ARMC2: variants seen among roughly 807,000 people sequenced by gnomAD.
ARMC2 encodes the protein armadillo repeat-containing protein 2.
A neutral mutation model predicts 90.3 loss-of-function variants in ARMC2; 67 were observed. That is an observed-to-expected ratio of 0.74 (90% confidence interval 0.61 to 0.91). The LOEUF (loss-of-function observed/expected upper bound fraction) is 0.91, where lower values mean the gene tolerates loss of function less well. Ranked by LOEUF, ARMC2 falls within the 40% of genes least tolerant of loss-of-function variation. ARMC2 has a pLI of 0.00. For missense variants in ARMC2, 920 were observed against 1,030.9 expected, an observed-to-expected ratio of 0.89 and a Z score of 1.47; for synonymous variants, 393 against 393.0, an observed-to-expected ratio of 1.00 and a Z score of 0.00.
intron 9 of ARMC2, among the ~76,000 whole-genome samples, chr6:108,911,341 T>A (rs1430224781): frequency 6.6e-6 from 1 of 152,188 alleles, no homozygotes; most frequent in Non-Finnish European, 1.5e-5. Context: ...AGTCTTTTAA[T>A]ATACTAGGGA....
intron 7 of ARMC2, among the ~76,000 whole-genome samples, chr6:108,902,525 G>A (rs796153935): frequency 6.6e-6 from 1 of 152,186 alleles, no homozygotes; most frequent in South Asian, 2.1e-4. Context: ...TACAATAGGA[G>A]TTCAGGTTTT....
chr6:109,017,328 C>T, the ARMC2 span, among the ~76,000 whole-genome samples: 1 of 152,120 alleles, frequency 6.6e-6, no homozygotes, highest in African/African-American at 2.4e-5. Context: ...CTCTGTCGCC[C>T]AGGCTGGAGC....
chr6:109,028,129 A>T, the ARMC2 span, among the ~76,000 whole-genome samples: 1 of 150,832 alleles, frequency 6.6e-6, no homozygotes, highest in Non-Finnish European at 1.5e-5. Context: ...ACCTTTGCCT[A>T]CCCCCAGGTT....
At chr6:108,982,557 A>G in the ARMC2 span, among the ~76,000 whole-genome samples, 3 of 152,196 alleles carry the variant, frequency 2.0e-5, no homozygotes, top group African/African-American at 7.2e-5. Flanking sequence ...CATCGTGTTT[A>G]AGTGGTGATT....
intron 3 of ARMC2, among the ~76,000 whole-genome samples, chr6:108,858,939 C>T (rs1363040041): frequency 6.6e-6 from 1 of 152,048 alleles, no homozygotes; most frequent in African/African-American, 2.4e-5. Flanking sequence ...GTCTTTTTGC[C>T]TCTTATCACA....
At chr6:108,860,022 A>T (rs954629974) in intron 3 of ARMC2, among the ~76,000 whole-genome samples, 2 of 147,288 alleles carry the variant, frequency 1.4e-5, no homozygotes, top group South Asian at 2.2e-4. Context: ...AAAAAAAAAA[A>T]GATGTAGGAC....
chr6:108,991,021 TTG>T, the ARMC2 span, among the ~76,000 whole-genome samples: 1 of 151,816 alleles, frequency 6.6e-6, no homozygotes, highest in African/African-American at 2.4e-5. Context: ...ATGCAAAAGG[TTG>T]TGTTTTATAA....
intron 13 of ARMC2, 145 bp from the exon 14 acceptor site, chr6:108,961,427 A>G (rs1777989521): frequency 1.3e-6 from 1 of 758,388 alleles, no homozygotes; most frequent in South Asian, 2.6e-5. Context: ...GGGGAAATCA[A>G]GTGGTAAAGG....
At chr6:108,893,517 G>T (rs1016432738) in intron 5 of ARMC2, among the ~76,000 whole-genome samples, 1 of 152,150 alleles carries the variant, frequency 6.6e-6, no homozygotes, top group Non-Finnish European at 1.5e-5. Context: ...GCTCCCAAAG[G>T]CTAAGCTTTT....
At chr6:108,976,848 A>C (rs536054579), downstream of ARMC2, among the ~76,000 whole-genome samples, 1 of 152,258 alleles carries the variant, frequency 6.6e-6, no homozygotes, top group African/African-American at 2.4e-5. Context: ...TTGCACATTG[A>C]TTTTGTATCT....
At chr6:109,016,308 C>T in the ARMC2 span, among the ~76,000 whole-genome samples, 2 of 152,200 alleles carry the variant, frequency 1.3e-5, no homozygotes, top group African/African-American at 4.8e-5. Context: ...CCTCCCCACC[C>T]TATGATTATT....
intron 10 of ARMC2, among the ~76,000 whole-genome samples, chr6:108,926,792 GT>G (rs1775140801): frequency 6.6e-6 from 1 of 152,036 alleles, no homozygotes; most frequent in Non-Finnish European, 1.5e-5. Flanking sequence ...GATCTATGGA[GT>G]TAAGTGGAAT....
Position 108,953,060 on chromosome 6 carries a change from C to A in ARMC2, c.1624C>A (p.Leu542Ile). 6.2e-7 allele frequency: 1 copy of A among 1,612,138 alleles called. No homozygotes were observed. The highest frequency in any genetic ancestry group is 8.5e-7 in the Non-Finnish European group (1 of 1,179,046). ...TTTAGTCGTCCGTGTTGTTTTTATTCTTGGCAACCTGACGGCAAAAAATAA... is the reference window on the plus strand; with the variant it reads ...TTTAGTCGTCCGTGTTGTTTTTATTATTGGCAACCTGACGGCAAAAAATAA... ...QDLVVRVVFI[L>I]GNLTAKNNQA... Residue 542 changes from leucine (L) to isoleucine (I), a missense_variant, in exon 13 of 18, where the codon CTT becomes ATT. Coordinates refer to ENST00000392644, the MANE Select transcript of ARMC2 (RefSeq NM_032131.6).
intron 3 of ARMC2, among the ~76,000 whole-genome samples, chr6:108,864,322 C>T (rs1266357008): frequency 6.8e-6 from 1 of 147,612 alleles, no homozygotes; most frequent in Non-Finnish European, 1.5e-5. Flanking sequence ...GATCTCAGCT[C>T]ACTGCAACCA....
the ARMC2 span, among the ~76,000 whole-genome samples, chr6:109,011,248 T>C: frequency 6.6e-6 from 1 of 152,258 alleles, no homozygotes; most frequent in Non-Finnish European, 1.5e-5. Flanking sequence ...TATAGTAGGC[T>C]GATACTTAGT....
chr6:109,026,756 G>C, the ARMC2 span, among the ~76,000 whole-genome samples: 17 of 152,126 alleles, frequency 1.1e-4, no homozygotes, highest in African/African-American at 4.1e-4. Flanking sequence ...GCCCGCCTCA[G>C]CCTCCCAAAG....
At chr6:108,855,371 C>G (rs574728189) in intron 2 of ARMC2, among the ~76,000 whole-genome samples, 1 of 151,930 alleles carries the variant, frequency 6.6e-6, no homozygotes, top group African/African-American at 2.4e-5. Flanking sequence ...GCCTCAGCCT[C>G]CCAAGTAGCT....
rs61665393 is a variant in ARMC2, at chr6:108,885,227, G to GGT, written c.671+8900_671+8901dup. The stretch of plus-strand genomic sequence containing the variant: ...GTGATTATTAAAAAAGGTGCCAAGG[G>GGT]GTGTGTGTGTGTGTGTGTGTGTGTA... On this transcript the variant is annotated intron_variant, in intron 5 of 17. Transcript: ENST00000392644. Among the ~76,000 whole-genome samples the GGT allele has an allele frequency of 3.7e-3, 551 of 149,810 alleles. 4 individuals are homozygous for GGT. Among genetic ancestry groups the GGT allele is most frequent in the African/African-American group, 2.9e-3 (119 of 40,792 alleles).
At chr6:108,901,441 A>G (rs1275067863) in intron 7 of ARMC2, among the ~76,000 whole-genome samples, 1 of 144,420 alleles carries the variant, frequency 6.9e-6, no homozygotes, top group Non-Finnish European at 1.5e-5. Context: ...TTTGAGACAG[A>G]GTCTTGCTCT....
Sources: gnomAD v4.1 joint callset for allele counts (sites outside exome capture counted in the v4.1 genomes callset) on GRCh38, gnomAD v4.1.1 for gene constraint, MANE v1.5 for transcripts, NCBI Gene and HGNC (gene_info 2026-07-23, HGNC 2026-07-21) for gene names.